ZNF644: variants seen among roughly 807,000 people sequenced by gnomAD.
ZNF644 encodes the protein zinc finger motif enhancer binding protein 2.
A neutral mutation model predicts 108.0 loss-of-function variants in ZNF644; 20 were observed. That is an observed-to-expected ratio of 0.19 (90% CI 0.13 to 0.27). The LOEUF is 0.27. Ranked by LOEUF, ZNF644 falls within the 10% of genes least tolerant of loss-of-function variation. The pLI is 1.00. For synonymous variants in ZNF644, 542 were observed against 539.1 expected, an observed-to-expected ratio of 1.01 and a Z score of -0.08; for missense variants, 1,338 against 1,548.9, an observed-to-expected ratio of 0.86 and a Z score of 2.29.
chr1:90,963,386 T>C (rs1050286893), intron 2 of ZNF644, among the ~76,000 whole-genome samples: 13 of 152,148 alleles, frequency 8.5e-5, no homozygotes, highest in African/African-American at 2.9e-4. Context: ...ATACTTGATG[T>C]GATTGATACA....
chr1:90,935,965 C>T (rs1243149261), intron 4 of ZNF644, among the ~76,000 whole-genome samples: 1 of 152,140 alleles, frequency 6.6e-6, no homozygotes, highest in Non-Finnish European at 1.5e-5. Flanking sequence ...ACCCACAAAA[C>T]CGTAAAAGTC....
intron 2 of ZNF644, among the ~76,000 whole-genome samples, chr1:90,944,379 CAG>C (rs1474941759): frequency 1.3e-5 from 2 of 151,922 alleles, no homozygotes; most frequent in African/African-American, 2.4e-5. Context: ...ATGTGCATAA[CAG>C]ATATTTTATC....
chr1:90,999,153 GC>G (rs1202911576), intron 1 of ZNF644, among the ~76,000 whole-genome samples: 1 of 152,178 alleles, frequency 6.6e-6, no homozygotes, highest in Non-Finnish European at 1.5e-5. Context: ...TCCCAACCTA[GC>G]AAGGCAGGCC....
intron 1 of ZNF644, among the ~76,000 whole-genome samples, chr1:91,017,870 G>A (rs184322419): frequency 2.0e-4 from 31 of 152,280 alleles, no homozygotes. Context: ...GCTGAGACAG[G>A]AGAATCACTT....
intron 4 of ZNF644, chr1:90,935,584 T>C: frequency 1.0e-6 from 1 of 983,722 alleles, no homozygotes; most frequent in Non-Finnish European, 1.2e-6. Flanking sequence ...AGTGAAATTT[T>C]CTTAGCTTAA....
intron 1 of ZNF644, among the ~76,000 whole-genome samples, chr1:90,995,382 T>C (rs1249772306): frequency 6.6e-6 from 1 of 151,922 alleles, no homozygotes; most frequent in Admixed American, 6.6e-5. Flanking sequence ...AATAAACATA[T>C]CCTAAGAGAC....
intron 2 of ZNF644, among the ~76,000 whole-genome samples, chr1:90,950,153 C>G (rs1272799337): frequency 6.7e-6 from 1 of 150,308 alleles, no homozygotes; most frequent in African/African-American, 2.5e-5. Context: ...TGCCATGCAC[C>G]TGTAGTCCCT....
intron 1 of ZNF644, among the ~76,000 whole-genome samples, chr1:91,012,508 GAAAC>G (rs975745666): frequency 1.3e-4 from 20 of 151,958 alleles, no homozygotes; most frequent in African/African-American, 4.6e-4. Flanking sequence ...AAAAGAAAAA[GAAAC>G]AAGCAAAAAC....
intron 2 of ZNF644, among the ~76,000 whole-genome samples, chr1:90,954,178 C>T (rs1428176491): frequency 6.6e-6 from 1 of 152,186 alleles, no homozygotes; most frequent in African/African-American, 2.4e-5. Flanking sequence ...TTGATAGCAT[C>T]TTACCCACAG....
chr1:90,974,480 T>C (rs1056900220), intron 2 of ZNF644, among the ~76,000 whole-genome samples: 3 of 152,206 alleles, frequency 2.0e-5, no homozygotes, highest in Non-Finnish European at 4.4e-5. Flanking sequence ...AATGTAGCTC[T>C]TGTTCTCTCC....
intron 2 of ZNF644, among the ~76,000 whole-genome samples, chr1:90,941,730 T>C (rs569852051): frequency 6.6e-6 from 1 of 152,248 alleles, no homozygotes; most frequent in South Asian, 2.1e-4. Flanking sequence ...TTATCAGAGG[T>C]AGTCACTCTA....
intron 1 of ZNF644, among the ~76,000 whole-genome samples, chr1:91,012,146 T>C (rs1016492299): frequency 1.3e-5 from 2 of 152,012 alleles, no homozygotes; most frequent in African/African-American, 2.4e-5. Context: ...ATCACCTGAT[T>C]TACCTCCCAA....
chr1:91,011,293 G>C (rs1169138779), intron 1 of ZNF644, among the ~76,000 whole-genome samples: 1 of 150,956 alleles, frequency 6.6e-6, no homozygotes, highest in African/African-American at 2.5e-5. Context: ...TCTTTATATA[G>C]AGTAAATATT....
At chr1:91,007,828 C>T (rs1465435401) in intron 1 of ZNF644, among the ~76,000 whole-genome samples, 1 of 152,144 alleles carries the variant, frequency 6.6e-6, no homozygotes, top group Non-Finnish European at 1.5e-5. Context: ...TGAAGTATTT[C>T]CATTTCCCTC....
intron 1 of ZNF644, among the ~76,000 whole-genome samples, chr1:91,013,924 ATTTAT>A (rs552643402): frequency 2.7e-4 from 41 of 152,270 alleles, no homozygotes; most frequent in South Asian, 8.3e-4. Context: ...AATTTCACCT[ATTTAT>A]TTTATTTTTT....
In ZNF644 at chr1:90,967,483, C is replaced by T. The variant is rs1267042821; in HGVS notation, c.44+14827G>A. Among the ~76,000 whole-genome samples the T allele has an allele frequency of 2.0e-5, 3 of 152,122 alleles. No individual in the cohort carries two copies. The East Asian group carries it at 5.8e-4, about 29-fold the overall frequency. ...AAAACATAAAACATAAAAACCTTCC[C>T]TGTGATTCCAAGAGAATGGGAACCA... On this transcript the variant is annotated intron_variant, in intron 2 of 5. Coordinates refer to ENST00000337393, the MANE Select transcript of ZNF644 (RefSeq NM_201269.3).
chr1:90,996,477 T>C (rs1658156855), intron 1 of ZNF644, among the ~76,000 whole-genome samples: 2 of 152,112 alleles, frequency 1.3e-5, no homozygotes, highest in African/African-American at 4.8e-5. Flanking sequence ...TCCCCCACAG[T>C]AGCTTTGAAA....
chr1:90,998,033 A>C (rs181294961), intron 1 of ZNF644, among the ~76,000 whole-genome samples: 1 of 152,190 alleles, frequency 6.6e-6, no homozygotes, highest in Non-Finnish European at 1.5e-5. Context: ...TTGAGTAGGT[A>C]AACAAAGCGG....
chr1:90,950,357 A>T (rs1385539731), intron 2 of ZNF644, among the ~76,000 whole-genome samples: 1 of 132,990 alleles, frequency 7.5e-6, no homozygotes, highest in Non-Finnish European at 1.6e-5. Context: ...AAGAAAAGAA[A>T]TAGTGCTAAT....
Sources: gnomAD v4.1 joint callset for allele counts (sites outside exome capture counted in the v4.1 genomes callset) on GRCh38, gnomAD v4.1.1 for gene constraint, MANE v1.5 for transcripts, NCBI Gene and HGNC (gene_info 2026-07-23, HGNC 2026-07-21) for gene names.